The following LRRC4C variants were observed in gnomAD, a reference collection of about 807,000 sequenced individuals.
The protein encoded by LRRC4C is leucine rich repeat containing 4C.
Under a neutral mutation model 33.6 loss-of-function variants are expected in LRRC4C, and 5 were observed. That is an observed-to-expected ratio of 0.15 (90% CI 0.08 to 0.31). The LOEUF (loss-of-function observed/expected upper bound fraction) is 0.31, where lower values mean the gene tolerates loss of function less well. LRRC4C is among the 10% of genes least tolerant of loss of function. The probability of loss-of-function intolerance (pLI) is 1.00; values close to 1 mark genes in which losing one functional copy is unlikely to be tolerated. For missense variants in LRRC4C, 560 were observed against 796.7 expected, an observed-to-expected ratio of 0.70 and a Z score of 3.58; for synonymous variants, 329 against 302.0, an observed-to-expected ratio of 1.09 and a Z score of -0.93.
intron 3 of LRRC4C, among the ~76,000 whole-genome samples, chr11:40,398,211 TATGGTACA>T (rs1382832955): frequency 6.6e-6 from 1 of 151,974 alleles, no homozygotes; most frequent in Admixed American, 6.6e-5. Context: ...ATATGAAGAG[TATGGTACA>T]ATTTTTGGAT....
At chr11:40,347,395 A>C (rs1947183425) in intron 3 of LRRC4C, among the ~76,000 whole-genome samples, 1 of 152,132 alleles carries the variant, frequency 6.6e-6, no homozygotes, top group African/African-American at 2.4e-5. Context: ...CAGACCACTA[A>C]AATTTTCTTC....
At chr11:40,152,792 C>T (rs1032131608) in intron 5 of LRRC4C, among the ~76,000 whole-genome samples, 5 of 152,220 alleles carry the variant, frequency 3.3e-5, no homozygotes, top group Admixed American at 2.6e-4. Context: ...CAAGACATGC[C>T]CAAGGAGCGT....
At chr11:41,134,083 CTTTA>C (rs916235083) in intron 1 of LRRC4C, among the ~76,000 whole-genome samples, 19 of 152,092 alleles carry the variant, frequency 1.2e-4, no homozygotes, top group African/African-American at 4.6e-4. Flanking sequence ...GAATAAATTG[CTTTA>C]TTTATTTATT....
At chr11:41,093,567 TC>T (rs999292458) in intron 1 of LRRC4C, among the ~76,000 whole-genome samples, 1 of 152,108 alleles carries the variant, frequency 6.6e-6, no homozygotes, top group African/African-American at 2.4e-5. Flanking sequence ...TTTCTCTTTA[TC>T]CTCTCTTGAA....
At chr11:41,260,946 C>T (rs1392012873) in intron 1 of LRRC4C, among the ~76,000 whole-genome samples, 1 of 152,034 alleles carries the variant, frequency 6.6e-6, no homozygotes, top group East Asian at 1.9e-4. Flanking sequence ...ACTTTCTCTT[C>T]TTAGGCAGTA....
chr11:40,847,822 T>A (rs922986940), intron 2 of LRRC4C, among the ~76,000 whole-genome samples: 2 of 151,108 alleles, frequency 1.3e-5, no homozygotes, highest in African/African-American at 4.9e-5. Flanking sequence ...TATTAACTAC[T>A]GTCTCAATTT....
chr11:40,646,565 A>AAGAC (rs1274422332), intron 3 of LRRC4C, among the ~76,000 whole-genome samples: 5 of 152,194 alleles, frequency 3.3e-5, no homozygotes, highest in African/African-American at 1.2e-4. Flanking sequence ...CAAGGAAAAA[A>AAGAC]AGACAATTAC....
intron 4 of LRRC4C, among the ~76,000 whole-genome samples, chr11:40,311,207 A>T (rs556949289): frequency 6.6e-6 from 1 of 152,336 alleles, no homozygotes; most frequent in South Asian, 2.1e-4. Flanking sequence ...TCTCTCCTGC[A>T]GTATGGCAAG....
chr11:40,807,690 T>C (rs1017280286), intron 2 of LRRC4C, among the ~76,000 whole-genome samples: 1 of 152,222 alleles, frequency 6.6e-6, no homozygotes, highest in African/African-American at 2.4e-5. Flanking sequence ...TAGTATTCCA[T>C]TTGAACCTTT....
At chr11:40,411,115 G>A (rs1458802886) in intron 3 of LRRC4C, among the ~76,000 whole-genome samples, 1 of 152,052 alleles carries the variant, frequency 6.6e-6, no homozygotes, top group Admixed American at 6.6e-5. Context: ...ATTTTGTGGG[G>A]TGGTGGGAAG....
chr11:40,583,141 T>G (rs1229151144), intron 3 of LRRC4C, among the ~76,000 whole-genome samples: 1 of 152,152 alleles, frequency 6.6e-6, no homozygotes, highest in African/African-American at 2.4e-5. Flanking sequence ...CACCCAACTT[T>G]TCCCATTCTA....
At chr11:41,260,737 G>T (rs988554227) in intron 1 of LRRC4C, among the ~76,000 whole-genome samples, 1 of 151,938 alleles carries the variant, frequency 6.6e-6, no homozygotes, top group Non-Finnish European at 1.5e-5. Context: ...AAGACAAGTG[G>T]TAACTGATTG....
chr11:41,127,088 C>A (rs1455394003), intron 1 of LRRC4C, among the ~76,000 whole-genome samples: 2 of 152,024 alleles, frequency 1.3e-5, no homozygotes, highest in African/African-American at 2.4e-5. Context: ...TACAAAATTT[C>A]AATTAAAATT....
intron 2 of LRRC4C, among the ~76,000 whole-genome samples, chr11:40,867,748 CT>C (rs1954439398): frequency 6.6e-6 from 1 of 152,118 alleles, no homozygotes; most frequent in African/African-American, 2.4e-5. Flanking sequence ...AAATTGGAGG[CT>C]AATCTAAAGT....
intron 1 of LRRC4C, among the ~76,000 whole-genome samples, chr11:41,184,667 T>C (rs1365041016): frequency 6.6e-6 from 1 of 152,124 alleles, no homozygotes; most frequent in Non-Finnish European, 1.5e-5. Context: ...CTCCAAACTG[T>C]TCCAATCACT....
chr11:40,339,734 T>C (rs1414011796), intron 3 of LRRC4C, among the ~76,000 whole-genome samples: 1 of 152,198 alleles, frequency 6.6e-6, no homozygotes, highest in Non-Finnish European at 1.5e-5. Flanking sequence ...TAAAAAGGTT[T>C]AGTATTGAAC....
intron 1 of LRRC4C, among the ~76,000 whole-genome samples, chr11:41,289,550 T>C (rs1949933805): frequency 6.6e-6 from 1 of 151,982 alleles, no homozygotes; most frequent in Non-Finnish European, 1.5e-5. Context: ...GGCAGAGAGT[T>C]CTCCCCTTCT....
chr11:41,433,404 G>C (rs943132818), intron 1 of LRRC4C, among the ~76,000 whole-genome samples: 1 of 151,958 alleles, frequency 6.6e-6, no homozygotes, highest in African/African-American at 2.4e-5. Context: ...TTCCAAATTG[G>C]GCTTCTATAG....
intron 4 of LRRC4C, chr11:40,292,605 T>C (rs1270768211): frequency 6.6e-6 from 1 of 151,240 alleles, no homozygotes; most frequent in East Asian, 2.0e-4. Context: ...TGAACATACT[T>C]TTTTCTTTGT....
Sources: gnomAD v4.1 joint callset for allele counts (sites outside exome capture counted in the v4.1 genomes callset) on GRCh38, gnomAD v4.1.1 for gene constraint, MANE v1.5 for transcripts, NCBI Gene and HGNC (gene_info 2026-07-23, HGNC 2026-07-21) for gene names.